Variants in LAPTM4B observed in about 807,000 individuals in gnomAD.
LAPTM4B encodes lysosomal-associated transmembrane protein 4B.
LAPTM4B carries 26 observed loss-of-function variants against 28.5 expected under a neutral mutation model. The ratio of observed to expected loss-of-function variants is 0.91; its 90% CI spans 0.67 to 1.27. The LOEUF (loss-of-function observed/expected upper bound fraction) is 1.27. Ranked by LOEUF, LAPTM4B falls within the 50% of genes most tolerant of loss-of-function variation. The probability of loss-of-function intolerance (pLI) is 0.00; values close to 1 mark genes in which losing one functional copy is unlikely to be tolerated. For missense variants in LAPTM4B, 288 were observed against 285.8 expected, an observed-to-expected ratio of 1.01 and a Z score of -0.06; for synonymous variants, 109 against 106.4, an observed-to-expected ratio of 1.02 and a Z score of -0.15.
At position 97,796,738 on chromosome 8, in the gene LAPTM4B, G is replaced by A. The variant is rs111668782; in HGVS notation, c.100-8615G>A. Among the ~76,000 whole-genome samples, 352 of 152,094 alleles carry A rather than the reference G, an allele frequency of 2.3e-3. 1 individual carries two copies. Among genetic ancestry groups the A allele is most frequent in the African/African-American group, 8.2e-3 (340 of 41,482 alleles). The stretch of plus-strand genomic sequence containing the variant: ...GCAGATCACCTGAGGTCAGGAGTTC[G>A]AGACCAGTCTGGCCAACATGGTAAA... On this transcript the variant is annotated intron_variant, in intron 1 of 6. Coordinates refer to ENST00000521545, the MANE Select transcript of LAPTM4B (RefSeq NM_018407.6).
intron 1 of LAPTM4B, among the ~76,000 whole-genome samples, chr8:97,787,937 G>A (rs1311741358): frequency 6.6e-6 from 1 of 152,030 alleles, no homozygotes; most frequent in Admixed American, 6.6e-5. Flanking sequence ...AGGTTCAAGT[G>A]ATTCTCCTGC....
chr8:97,797,827 T>A (rs533588198), intron 1 of LAPTM4B, among the ~76,000 whole-genome samples: 103 of 152,220 alleles, frequency 6.8e-4, no homozygotes, highest in Non-Finnish European at 1.2e-3. Context: ...CTGGAACATA[T>A]TCAGGGGCCT....
chr8:97,816,499 G>T (rs1816918630), intron 4 of LAPTM4B, among the ~76,000 whole-genome samples: 1 of 151,968 alleles, frequency 6.6e-6, no homozygotes, highest in Non-Finnish European at 1.5e-5. Context: ...GTTTCACTGT[G>T]TTGGTCAGGC....
At chr8:97,802,390 G>A (rs1259875292) in intron 1 of LAPTM4B, among the ~76,000 whole-genome samples, 1 of 152,080 alleles carries the variant, frequency 6.6e-6, no homozygotes, top group Non-Finnish European at 1.5e-5. Flanking sequence ...ACTACCTGAC[G>A]TTGCCATGGC....
In LAPTM4B at chr8:97,852,369, C is replaced by T. The variant is rs1379880696; in HGVS notation, c.*895C>T. ...AGGGTTTTCTTTTCCCTGCAAGCTACATCCTACTGCTTTGAACTTCCAAGT... is the reference window on the plus strand; with the variant it reads ...AGGGTTTTCTTTTCCCTGCAAGCTATATCCTACTGCTTTGAACTTCCAAGT... On this transcript the variant is annotated 3_prime_UTR_variant, in exon 7 of 7. Coordinates refer to ENST00000521545, the MANE Select transcript of LAPTM4B (RefSeq NM_018407.6). The T allele has an allele frequency of 6.6e-6, 1 of 152,234 alleles. No homozygotes were observed. The highest frequency in any genetic ancestry group is 6.5e-5 in the Admixed American group (1 of 15,278). 9.4% of individuals were successfully genotyped at this position (152,234 alleles called of 1,614,324 possible).
intron 4 of LAPTM4B, among the ~76,000 whole-genome samples, chr8:97,817,023 C>T (rs754432264): frequency 6.6e-6 from 1 of 152,186 alleles, no homozygotes; most frequent in Non-Finnish European, 1.5e-5. Context: ...ACCATAGAAT[C>T]CCTTTCTCAA....
chr8:97,814,141 A>G (rs951730781), intron 2 of LAPTM4B, among the ~76,000 whole-genome samples: 3 of 152,200 alleles, frequency 2.0e-5, no homozygotes, highest in Non-Finnish European at 2.9e-5. Flanking sequence ...GCAATGAGCC[A>G]TGATCACACC....
chr8:97,814,020 A>G (rs1225195175), intron 2 of LAPTM4B, among the ~76,000 whole-genome samples: 3 of 152,200 alleles, frequency 2.0e-5, no homozygotes, highest in African/African-American at 7.2e-5. Flanking sequence ...GTAGCAAATA[A>G]TGGTGCTACA....
chr8:97,844,653 C>G (rs961926033), intron 6 of LAPTM4B, among the ~76,000 whole-genome samples: 8 of 152,148 alleles, frequency 5.3e-5, no homozygotes, highest in African/African-American at 1.9e-4. Flanking sequence ...TGGTACTCCC[C>G]CTTGCTTTAC....
At chr8:97,850,474 G>GTGTGTGTGTGTGTGTA (rs150321926) in intron 6 of LAPTM4B, among the ~76,000 whole-genome samples, 2,544 of 146,336 alleles carry the variant, frequency 0.017, 121 homozygotes, top group African/African-American at 0.061. Context: ...GGGTGTGTGT[G>GTGTGTGTGTGTGTGTA]TGTGTGTGTG....
intron 1 of LAPTM4B, among the ~76,000 whole-genome samples, chr8:97,790,145 G>A (rs891668704): frequency 2.6e-5 from 4 of 151,748 alleles, no homozygotes; most frequent in African/African-American, 9.7e-5. Context: ...ACAAATCTTG[G>A]CTATTGTGAA....
In LAPTM4B at chr8:97,805,346, G is replaced by A; in HGVS notation, c.100-7G>A. Reference sequence around the variant, plus strand: ...ATTCTTTTTTTTTTTTTTTTTTCTTGTTGCAGATCATCAATGCTGTGGTAC... The same window carrying A: ...ATTCTTTTTTTTTTTTTTTTTTCTTATTGCAGATCATCAATGCTGTGGTAC... On this transcript the variant is annotated splice_region_variant and splice_polypyrimidine_tract_variant and intron_variant, in intron 1 of 6. Coordinates refer to ENST00000521545, the MANE Select transcript of LAPTM4B (RefSeq NM_018407.6). The A allele has an allele frequency of 6.8e-6, 6 of 880,240 alleles. No homozygotes were observed. The highest frequency in any genetic ancestry group is 9.7e-6 in the Non-Finnish European group (6 of 621,734). The allele number at this position is 880,240 out of a possible 1,614,324, so 54.5% of individuals were successfully genotyped here.
chr8:97,836,870 C>T (rs1817267140), intron 6 of LAPTM4B, among the ~76,000 whole-genome samples: 1 of 151,966 alleles, frequency 6.6e-6, no homozygotes, highest in South Asian at 2.1e-4. Context: ...TTGCATCTAA[C>T]TGCTTGAAAA....
intron 1 of LAPTM4B, among the ~76,000 whole-genome samples, chr8:97,779,790 A>G (rs1816281112): frequency 6.6e-6 from 1 of 151,324 alleles, no homozygotes; most frequent in African/African-American, 2.4e-5. Context: ...TGGGTGGCTC[A>G]CGCCTATAAT....
intron 5 of LAPTM4B, among the ~76,000 whole-genome samples, chr8:97,824,666 G>A (rs1041834596): frequency 2.6e-5 from 4 of 152,166 alleles, no homozygotes; most frequent in Non-Finnish European, 5.9e-5. Context: ...TTCCAAAGAA[G>A]CAGTTAAACT....
Position 97,848,607 on chromosome 8 carries a change from G to A in LAPTM4B, c.604-2790G>A, listed in dbSNP as rs113369327. Among the ~76,000 whole-genome samples, 275 of 151,732 alleles carry A rather than the reference G, an allele frequency of 1.8e-3. 1 individual carries two copies. Among genetic ancestry groups the A allele is most frequent in the African/African-American group, 6.4e-3 (264 of 41,298 alleles). Reference sequence around the variant, plus strand: ...GGCTGAAGTGGGAGGATCACTTGAGGCCAAGAGTTCTACACCAGCCTGGGC... The same window carrying A: ...GGCTGAAGTGGGAGGATCACTTGAGACCAAGAGTTCTACACCAGCCTGGGC... On this transcript the variant is annotated intron_variant, in intron 6 of 6. Transcript: ENST00000521545.
At chr8:97,788,294 G>T (rs1307640754) in intron 1 of LAPTM4B, 6 of 385,110 alleles carry the variant, frequency 1.6e-5, no homozygotes, top group Admixed American at 5.9e-5. Flanking sequence ...ATCCACTGGG[G>T]AATGGGACAT....
chr8:97,793,250 A>T (rs1190180784), intron 1 of LAPTM4B, among the ~76,000 whole-genome samples: 3 of 152,228 alleles, frequency 2.0e-5, no homozygotes, highest in Admixed American at 2.0e-4. Flanking sequence ...AATGAATGTT[A>T]TAGCGTTTAT....
chr8:97,817,923 T>C (rs7816307), intron 4 of LAPTM4B, among the ~76,000 whole-genome samples: 69,262 of 151,386 alleles, frequency 0.46, 16,218 homozygotes, highest in East Asian at 0.58. Context: ...AAGTGATCCT[T>C]CCACCTTAGC....
Sources: allele counts gnomAD v4.1 joint callset (sites outside exome capture counted in the v4.1 genomes callset), GRCh38; gene constraint gnomAD v4.1.1; transcripts MANE v1.5; gene names NCBI Gene and HGNC (gene_info 2026-07-23, HGNC 2026-07-21).